Variants in TRIP12 observed in about 807,000 individuals in gnomAD.
TRIP12 encodes the protein E3 ubiquitin-protein ligase TRIP12.
Under a neutral mutation model 244.2 loss-of-function variants are expected in TRIP12, and 25 were observed. The ratio of observed to expected loss-of-function variants is 0.10; its 90% CI spans 0.07 to 0.14. TRIP12 has a LOEUF of 0.14. Among genes scored for constraint, TRIP12 ranks in the 10% least tolerant of loss-of-function variants. The pLI is 1.00. For missense variants in TRIP12, 1,677 were observed against 2,486.4 expected, an observed-to-expected ratio of 0.67 and a Z score of 6.92; for synonymous variants, 905 against 873.1, an observed-to-expected ratio of 1.04 and a Z score of -0.64.
chr2:229,864,058 G>A (rs1465625754), intron 2 of TRIP12, among the ~76,000 whole-genome samples: 1 of 138,958 alleles, frequency 7.2e-6, no homozygotes, highest in African/African-American at 3.4e-5. Flanking sequence ...GTGTGTGTGT[G>A]TGTGTGTGTG....
chr2:229,859,650 ATAAAG>A (rs143737592), intron 3 of TRIP12, 76 bp from the exon 4 acceptor site: 1 of 1,459,710 alleles, frequency 6.9e-7, no homozygotes, highest in East Asian at 2.3e-5. Flanking sequence ...CTTTCAAAAA[ATAAAG>A]TATGAATATG....
At chr2:229,917,102 C>T (rs777102366) in intron 1 of TRIP12, among the ~76,000 whole-genome samples, 2 of 151,982 alleles carry the variant, frequency 1.3e-5, no homozygotes, top group South Asian at 2.1e-4. Context: ...AAGCACTGGC[C>T]GGGCGCGGTG....
At chr2:229,885,515 G>A (rs2065830626) in intron 1 of TRIP12, among the ~76,000 whole-genome samples, 1 of 152,146 alleles carries the variant, frequency 6.6e-6, no homozygotes. Flanking sequence ...TGGAGCTCCA[G>A]TTCTGAACTA....
Position 229,797,736 on chromosome 2 carries a change from T to C in TRIP12, c.3578A>G (p.Asn1193Ser). ...ENMDGSNPAL[N>S]VLQRLCAATE... ...TGCAGCACAAAGTCTCTGAAGGACATTCAATGCAGGGTTGCTTCCATCCAT... is the reference window on the plus strand; with the variant it reads ...TGCAGCACAAAGTCTCTGAAGGACACTCAATGCAGGGTTGCTTCCATCCAT... The change falls in exon 24 of 42, where the codon AAT becomes AGT. Residue 1193 changes from asparagine (N) to serine (S), a missense_variant. Asn to Ser is a conservative substitution (Grantham distance 46, BLOSUM62 1). This residue lies in a region of TRIP12 where 572 missense variants were observed against 867.8 expected (regional missense o/e 0.66). Transcript: ENST00000675903. The C allele has an allele frequency of 6.2e-7, 1 of 1,613,936 alleles. No homozygotes were observed. Among genetic ancestry groups the C allele is most frequent in the Non-Finnish European group, 8.5e-7 (1 of 1,179,910 alleles).
chr2:229,788,525 A>G (rs2040638446), intron 32 of TRIP12, among the ~76,000 whole-genome samples: 1 of 152,228 alleles, frequency 6.6e-6, no homozygotes, highest in Non-Finnish European at 1.5e-5. Flanking sequence ...TTGGAATCCA[A>G]TTCCATGACA....
intron 33 of TRIP12, among the ~76,000 whole-genome samples, 195 bp downstream of exon 33, chr2:229,787,310 G>C (rs1174418690): frequency 6.6e-6 from 1 of 152,106 alleles, no homozygotes; most frequent in Non-Finnish European, 1.5e-5. Flanking sequence ...CTGGGGGGTG[G>C]GGAGGAGAGA....
intron 1 of TRIP12, 65 bp from the exon 2 acceptor site, chr2:229,880,193 G>A: frequency 9.8e-7 from 1 of 1,021,128 alleles, no homozygotes; most frequent in East Asian, 2.5e-5. Flanking sequence ...AAAGAAATGA[G>A]GGGAACTTAC....
intron 20 of TRIP12, 90 bp from the exon 21 acceptor site, chr2:229,802,549 G>C: frequency 1.1e-6 from 1 of 908,592 alleles, no homozygotes; most frequent in Non-Finnish European, 1.6e-6. Context: ...TACCAACACT[G>C]ACATAATACA....
chr2:229,919,723 T>C (rs1255781472), intron 1 of TRIP12, among the ~76,000 whole-genome samples: 6 of 152,182 alleles, frequency 3.9e-5, no homozygotes, highest in Non-Finnish European at 7.3e-5. Context: ...GGGGATTGAA[T>C]GGAAACAATG....
intron 6 of TRIP12, among the ~76,000 whole-genome samples, chr2:229,833,425 C>T (rs984607436): frequency 2.0e-5 from 3 of 152,090 alleles, no homozygotes; most frequent in African/African-American, 7.2e-5. Flanking sequence ...GTAGCTGGTA[C>T]CACAGGTACA....
chr2:229,780,912 A>C (rs564666859), intron 34 of TRIP12, among the ~76,000 whole-genome samples: 18 of 152,304 alleles, frequency 1.2e-4, no homozygotes, highest in African/African-American at 4.3e-4. Flanking sequence ...TGAGGAACAA[A>C]AGAGAAGCAA....
Position 229,764,577 on chromosome 2 carries a change from A to T in TRIP12, c.*2977T>A, listed in dbSNP as rs534283305. 2.6e-5 allele frequency: 4 copies of T among 152,330 alleles called. No individual in the cohort carries two copies. In the East Asian group the frequency reaches 5.8e-4, roughly 22 times the overall value. The allele number at this position is 152,330 out of a possible 1,614,324, so 9.4% of individuals were successfully genotyped here. On this transcript the variant is annotated 3_prime_UTR_variant, in exon 42 of 42. Coordinates refer to ENST00000675903, the MANE Select transcript of TRIP12 (RefSeq NM_001348323.3). ...CTCACGCTCACAGACAGGAGTCGAGAGTACAGCTGCAGCACCTGCTAAGCC... is the reference window on the plus strand; with the variant it reads ...CTCACGCTCACAGACAGGAGTCGAGTGTACAGCTGCAGCACCTGCTAAGCC...
rs982887637 is a variant in TRIP12, at chr2:229,767,435, C to T, written c.*119G>A. On this transcript the variant is annotated 3_prime_UTR_variant, in exon 42 of 42. Coordinates refer to ENST00000675903, the MANE Select transcript of TRIP12 (RefSeq NM_001348323.3). ...AAATGTCTCTTTATAATCTGCAAGC[C>T]GTTTTTCCTACAACAAGAAGGCGTA... is the stretch of plus-strand genomic sequence containing the variant. 6 of 1,231,822 alleles carry T rather than the reference C, an allele frequency of 4.9e-6. No individual in the cohort carries two copies. The highest frequency in any genetic ancestry group is 3.8e-5 in the South Asian group (2 of 53,248). The allele number at this position is 1,231,822 out of a possible 1,614,324, so 76.3% of individuals were successfully genotyped here.
chr2:229,834,527 A>G (rs1575684105), intron 6 of TRIP12, among the ~76,000 whole-genome samples: 1 of 152,342 alleles, frequency 6.6e-6, no homozygotes, highest in East Asian at 1.9e-4. Flanking sequence ...TGGGAGGCCA[A>G]GGTGGGCAGA....
At position 229,774,054 on chromosome 2, in the gene TRIP12, C is replaced by T. The variant is rs2035448271; in HGVS notation, c.5694+43G>A. The T allele has an allele frequency of 5.0e-6, 8 of 1,587,060 alleles. No homozygotes were observed. In the East Asian group the frequency reaches 1.1e-4, roughly 22 times the overall value. On this transcript the variant is annotated intron_variant, in intron 38 of 41. Coordinates refer to ENST00000675903, the MANE Select transcript of TRIP12 (RefSeq NM_001348323.3). The stretch of plus-strand genomic sequence containing the variant: ...CAAGGTACAATCAGGCAAAGTCCTC[C>T]GTCTTCACAACTGGCCTACCCCCCA...
At position 229,908,341 on chromosome 2, in the gene TRIP12, A is replaced by G. The variant is rs1296685027; in HGVS notation, c.-50+13539T>C. ...AAGGTGGGCAAATATATACAGATGC[A>G]AATAATGCAACTATTCTGAGAAATA... is the stretch of plus-strand genomic sequence containing the variant. On this transcript the variant is annotated intron_variant, in intron 1 of 41. Transcript: ENST00000675903. 4.6e-5 allele frequency among the ~76,000 whole-genome samples: 7 copies of G among 152,370 alleles called. No homozygotes were observed. In the East Asian group the frequency reaches 7.7e-4, roughly 17 times the overall value.
chr2:229,886,621 C>T (rs1296548034), intron 1 of TRIP12, among the ~76,000 whole-genome samples: 1 of 152,028 alleles, frequency 6.6e-6, no homozygotes, highest in African/African-American at 2.4e-5. Flanking sequence ...CGTGCAACAC[C>T]ATGCATGGCT....
At chr2:229,866,904 G>C (rs2061589347) in intron 2 of TRIP12, among the ~76,000 whole-genome samples, 1 of 152,176 alleles carries the variant, frequency 6.6e-6, no homozygotes, top group African/African-American at 2.4e-5. Flanking sequence ...GGCAAAGGCA[G>C]AGGCAGGAAA....
intron 33 of TRIP12, among the ~76,000 whole-genome samples, chr2:229,786,872 A>T (rs1039577564): frequency 6.6e-6 from 1 of 152,176 alleles, no homozygotes; most frequent in African/African-American, 2.4e-5. Context: ...AAGAAACTTA[A>T]ATCCCTAGCG....
Sources: gnomAD v4.1 joint callset for allele counts (sites outside exome capture counted in the v4.1 genomes callset) on GRCh38, gnomAD v4.1.1 for gene constraint, gnomAD v4.1.1 regional missense constraint, MANE v1.5 for transcripts, NCBI Gene and HGNC (gene_info 2026-07-23, HGNC 2026-07-21) for gene names.